The following NRG1 variants were observed in gnomAD, a reference collection of about 807,000 sequenced individuals.
NRG1 encodes pro-neuregulin-1, membrane-bound isoform.
In NRG1, 18 loss-of-function variants were observed where a neutral mutation model predicts 63.8. The ratio of observed to expected loss-of-function variants is 0.28; its 90% CI spans 0.19 to 0.42. The LOEUF (loss-of-function observed/expected upper bound fraction) is 0.42, where lower values mean the gene tolerates loss of function less well. NRG1 is among the 10% of genes least tolerant of loss of function. The pLI is 1.00. For missense variants in NRG1, 762 were observed against 814.7 expected (o/e 0.94, Z 0.79); for synonymous variants, 302 against 301.3 (o/e 1.00, Z -0.02).
chr8:32,632,192 C>T (rs994819534), intron 5 of NRG1, among the ~76,000 whole-genome samples: 3 of 152,080 alleles, frequency 2.0e-5, no homozygotes, highest in African/African-American at 7.2e-5. Flanking sequence ...AAATAAGCCA[C>T]GTTAATATAA....
chr8:32,681,930 G>C (rs771308648), intron 5 of NRG1, among the ~76,000 whole-genome samples: 1 of 152,116 alleles, frequency 6.6e-6, no homozygotes, highest in African/African-American at 2.4e-5. Flanking sequence ...GATAGATAAC[G>C]TTAACATGCA....
chr8:32,594,718 A>G (rs1843063914), intron 1 of NRG1, among the ~76,000 whole-genome samples: 1 of 152,186 alleles, frequency 6.6e-6, no homozygotes, highest in Non-Finnish European at 1.5e-5. Flanking sequence ...TAGGTGTTTA[A>G]TGTATTCTCC....
At chr8:31,946,612 CTCTT>C (rs71855113) in intron 1 of NRG1, among the ~76,000 whole-genome samples, 128,096 of 151,940 alleles carry the variant, frequency 0.84, 54,801 homozygotes, top group Non-Finnish European at 0.91. Flanking sequence ...ATGTATATCA[CTCTT>C]TATGATTACA....
intron 1 of NRG1, among the ~76,000 whole-genome samples, chr8:32,035,952 T>G (rs1414965631): frequency 1.3e-5 from 2 of 152,236 alleles, no homozygotes; most frequent in Non-Finnish European, 2.9e-5. Context: ...TATTGTTATG[T>G]GTGAATTTGA....
chr8:32,158,007 C>A (rs1010797400), intron 1 of NRG1, among the ~76,000 whole-genome samples: 1 of 152,294 alleles, frequency 6.6e-6, no homozygotes, highest in Middle Eastern at 3.4e-3. Context: ...ACATGAACCA[C>A]GTCAACAGGA....
chr8:32,054,477 A>G (rs568425513), intron 1 of NRG1, among the ~76,000 whole-genome samples: 1 of 152,336 alleles, frequency 6.6e-6, no homozygotes, highest in East Asian at 1.9e-4. Context: ...GCAGTCACCA[A>G]CAGAAGCTTT....
intron 1 of NRG1, among the ~76,000 whole-genome samples, chr8:31,781,418 A>T (rs1819673078): frequency 6.6e-6 from 1 of 152,198 alleles, no homozygotes; most frequent in Admixed American, 6.5e-5. Flanking sequence ...CATGTGGTTT[A>T]CATGTGGCAA....
At chr8:32,390,119 C>T (rs1811537177) in intron 1 of NRG1, among the ~76,000 whole-genome samples, 1 of 152,104 alleles carries the variant, frequency 6.6e-6, no homozygotes, top group Admixed American at 6.6e-5. Context: ...CTTCACTCTG[C>T]TTTCCCATTC....
intron 1 of NRG1, among the ~76,000 whole-genome samples, chr8:31,955,503 T>A (rs1307801917): frequency 1.3e-5 from 2 of 152,226 alleles, no homozygotes; most frequent in Non-Finnish European, 2.9e-5. Flanking sequence ...GGGCTGATTT[T>A]TGCTCCATTG....
intron 1 of NRG1, among the ~76,000 whole-genome samples, chr8:31,642,881 T>C (rs907262096): frequency 3.9e-5 from 6 of 152,220 alleles, no homozygotes; most frequent in Non-Finnish European, 7.3e-5. Flanking sequence ...TTTACAAACA[T>C]AGTGTTTCTT....
At chr8:31,845,075 C>T (rs772397359) in intron 1 of NRG1, among the ~76,000 whole-genome samples, 14 of 151,750 alleles carry the variant, frequency 9.2e-5, no homozygotes, top group Non-Finnish European at 1.8e-4. Flanking sequence ...CCATTGCACT[C>T]CAGCCTGGGC....
intron 1 of NRG1, among the ~76,000 whole-genome samples, chr8:32,084,000 A>G (rs1044966930): frequency 7.2e-5 from 11 of 152,172 alleles, no homozygotes; most frequent in African/African-American, 2.7e-4. Context: ...CAAAATAATT[A>G]CCTTTTCTTA....
intron 1 of NRG1, among the ~76,000 whole-genome samples, chr8:32,336,069 A>G (rs1422972517): frequency 6.6e-6 from 1 of 152,214 alleles, no homozygotes; most frequent in Non-Finnish European, 1.5e-5. Flanking sequence ...CTATGAAGCA[A>G]GTGGCACCCA....
intron 5 of NRG1, among the ~76,000 whole-genome samples, chr8:32,704,703 A>G (rs1036431251): frequency 2.6e-5 from 4 of 152,220 alleles, no homozygotes; most frequent in East Asian, 1.9e-4. Flanking sequence ...CACTACTGTC[A>G]TGAAATTAAT....
intron 1 of NRG1, among the ~76,000 whole-genome samples, chr8:31,980,977 G>T (rs191244013): frequency 6.6e-6 from 1 of 152,036 alleles, no homozygotes; most frequent in East Asian, 1.9e-4. Flanking sequence ...TTCAATGCAT[G>T]GGAAAATATT....
chr8:32,644,126 G>C (rs1421511585), intron 5 of NRG1, among the ~76,000 whole-genome samples: 1 of 152,164 alleles, frequency 6.6e-6, no homozygotes, highest in East Asian at 1.9e-4. Flanking sequence ...GTGAAGATCA[G>C]AAATAATGTA....
chr8:32,464,609 G>C (rs1643914554), intron 1 of NRG1, among the ~76,000 whole-genome samples: 1 of 152,088 alleles, frequency 6.6e-6, no homozygotes, highest in Non-Finnish European at 1.5e-5. Flanking sequence ...AAGGGGTTCT[G>C]TCACTAACAG....
chr8:32,222,358 C>A lies in NRG1; in HGVS notation c.38-373470C>A, dbSNP rs1845908865. On this transcript the variant is annotated intron_variant, in intron 1 of 10. Coordinates refer to the NRG1 transcript ENST00000519301. Reference sequence around the variant, plus strand: ...CCTTCTCTGCCTCTTATGAATGACACCAGGAAGAGTTATTGTAAACAATTG... The same window carrying A: ...CCTTCTCTGCCTCTTATGAATGACAACAGGAAGAGTTATTGTAAACAATTG... Among the ~76,000 whole-genome samples, 2 of 151,872 alleles carry A rather than the reference C, an allele frequency of 1.3e-5. 1 individual carries two copies. Among genetic ancestry groups the A allele is most frequent in the South Asian group, 4.2e-4 (2 of 4,814 alleles).
intron 5 of NRG1, among the ~76,000 whole-genome samples, chr8:32,692,256 G>C (rs1015438437): frequency 6.6e-6 from 1 of 152,210 alleles, no homozygotes; most frequent in Admixed American, 6.5e-5. Flanking sequence ...TTTATTCTGT[G>C]TAGCTATTTT....
Sources: gnomAD v4.1 joint callset for allele counts (sites outside exome capture counted in the v4.1 genomes callset) on GRCh38, gnomAD v4.1.1 for gene constraint, MANE v1.5 for transcripts, NCBI Gene and HGNC (gene_info 2026-07-23, HGNC 2026-07-21) for gene names.